SMARCAL1: variants seen among roughly 807,000 people sequenced by gnomAD.
The protein encoded by SMARCAL1 is SNF2 related chromatin remodeling annealing helicase 1.
In SMARCAL1, 58 loss-of-function variants were observed where a neutral mutation model predicts 94.5. The ratio of observed to expected loss-of-function variants is 0.61; its 90% CI spans 0.50 to 0.76. The LOEUF is 0.76. Ranked by LOEUF, SMARCAL1 falls within the 30% of genes least tolerant of loss-of-function variation. The pLI, the probability that SMARCAL1 is intolerant of heterozygous loss-of-function variation, is 0.00. For synonymous variants in SMARCAL1, 422 were observed against 455.1 expected, an observed-to-expected ratio of 0.93 and a Z score of 0.93; for missense variants, 1,051 against 1,177.9, an observed-to-expected ratio of 0.89 and a Z score of 1.58.
Position 216,434,534 on chromosome 2 carries a change from G to T in SMARCAL1, c.1486-804G>T, listed in dbSNP as rs148923199. 5.4e-4 allele frequency among the ~76,000 whole-genome samples: 82 copies of T among 152,242 alleles called. No individual in the cohort carries two copies. The East Asian group carries it at 0.013, about 23-fold the overall frequency. On this transcript the variant is annotated intron_variant, in intron 8 of 17. Transcript: ENST00000357276. ...GAAACCCAGACACTGTGAAGTGACT[G>T]TTGACAAAGGCAGGGAGATAGCGAG...
intron 4 of SMARCAL1, among the ~76,000 whole-genome samples, chr2:216,418,557 C>T (rs906995815): frequency 1.3e-5 from 2 of 152,046 alleles, no homozygotes; most frequent in African/African-American, 4.8e-5. Flanking sequence ...GTCAGTCTTT[C>T]TGTCATTTTG....
chr2:216,449,790 T>C (rs959781365), intron 11 of SMARCAL1, among the ~76,000 whole-genome samples: 1 of 152,034 alleles, frequency 6.6e-6, no homozygotes, highest in African/African-American at 2.4e-5. Flanking sequence ...AGAAATCAGT[T>C]CCATTTCCAG....
At chr2:216,461,469 A>C (rs984635015) in intron 12 of SMARCAL1, among the ~76,000 whole-genome samples, 3 of 152,176 alleles carry the variant, frequency 2.0e-5, no homozygotes, top group Non-Finnish European at 4.4e-5. Context: ...CAAACACGTC[A>C]AGTGGGAAGG....
chr2:216,427,116 AT>A (rs1252788602), intron 6 of SMARCAL1: 1 of 152,234 alleles, frequency 6.6e-6, no homozygotes, highest in African/African-American at 2.4e-5. Flanking sequence ...ATTTGAAAAC[AT>A]TAGCATCTCT....
At position 216,447,174 on chromosome 2, in the gene SMARCAL1, T is replaced by TTCCAA; in HGVS notation, c.1851+16_1851+17insTCCAA. 35 of 1,578,766 alleles carry TTCCAA rather than the reference T, an allele frequency of 2.2e-5. No homozygotes were observed. Among genetic ancestry groups the TTCCAA allele is most frequent in the South Asian group, 3.3e-5 (3 of 90,424 alleles). ...TGCCAAACGGGTATGTATTATCTCT[T>TTCCAA]CCCTCCCAGCCCACCCATTTCTCAC... On this transcript the variant is annotated intron_variant, in intron 11 of 17. Transcript: ENST00000357276.
chr2:216,436,169 A>T (rs993925611), intron 9 of SMARCAL1, among the ~76,000 whole-genome samples: 1 of 152,124 alleles, frequency 6.6e-6, no homozygotes, highest in African/African-American at 2.4e-5. Flanking sequence ...GGGTTTCACC[A>T]TGTTGGCCAA....
chr2:216,455,677 G>A lies in SMARCAL1; in HGVS notation c.2070+4613G>A, dbSNP rs536794504. On this transcript the variant is annotated intron_variant, in intron 12 of 17. Transcript: ENST00000357276. ...AGGAAAACTAACAAACAGAAAGGAC[G>A]TGCACACCAAAACCCCATCTGTACG... Among the ~76,000 whole-genome samples the A allele has an allele frequency of 4.3e-4, 65 of 152,240 alleles. No individual in the cohort carries two copies. The South Asian group carries it at 0.012, about 27-fold the overall frequency.
chr2:216,471,438 C>T (rs1694964596), intron 14 of SMARCAL1, among the ~76,000 whole-genome samples: 1 of 151,282 alleles, frequency 6.6e-6, no homozygotes, highest in East Asian at 1.9e-4. Flanking sequence ...CTGACTGCAA[C>T]CTTCGCCTCC....
In SMARCAL1 at chr2:216,457,367, C is replaced by T. The variant is rs546138415; in HGVS notation, c.2070+6303C>T. On this transcript the variant is annotated intron_variant, in intron 12 of 17. Transcript: ENST00000357276. ...ATAGACATCTACAGAACTCTCCACCCCAAATCAACAGAATATACATTCTTC... is the reference window on the plus strand; with the variant it reads ...ATAGACATCTACAGAACTCTCCACCTCAAATCAACAGAATATACATTCTTC... 2.0e-5 allele frequency among the ~76,000 whole-genome samples: 3 copies of T among 152,328 alleles called. No individual in the cohort carries two copies. In the East Asian group the frequency reaches 5.8e-4, roughly 29 times the overall value.
chr2:216,439,654 G>A lies in SMARCAL1; in HGVS notation c.1710+1169G>A, dbSNP rs185913653. Among the ~76,000 whole-genome samples, 18 of 152,314 alleles carry A rather than the reference G, an allele frequency of 1.2e-4. 1 individual carries two copies. The East Asian group carries it at 3.3e-3, about 28-fold the overall frequency. ...CTTAACATTTCCTCACAAAACACACGTAAGTGTCCACTCATTTCAAGTTTT... is the reference window on the plus strand; with the variant it reads ...CTTAACATTTCCTCACAAAACACACATAAGTGTCCACTCATTTCAAGTTTT... On this transcript the variant is annotated intron_variant, in intron 10 of 17. Coordinates refer to ENST00000357276, the MANE Select transcript of SMARCAL1 (RefSeq NM_014140.4).
At chr2:216,431,187 A>G (rs568514581) in intron 7 of SMARCAL1, among the ~76,000 whole-genome samples, 2 of 152,302 alleles carry the variant, frequency 1.3e-5, no homozygotes, top group African/African-American at 2.4e-5. Flanking sequence ...CCAGTTTTCC[A>G]TCTTTGGAAA....
intron 12 of SMARCAL1, among the ~76,000 whole-genome samples, chr2:216,456,185 T>C (rs1170332416): frequency 1.3e-5 from 2 of 152,144 alleles, no homozygotes; most frequent in Non-Finnish European, 2.9e-5. Flanking sequence ...CCAAGAAATA[T>C]GGGACTATGT....
chr2:216,446,443 A>G (rs1033353208), intron 10 of SMARCAL1, among the ~76,000 whole-genome samples: 1 of 152,210 alleles, frequency 6.6e-6, no homozygotes, highest in Admixed American at 6.5e-5. Flanking sequence ...AGTCACATGG[A>G]GACATATACA....
At chr2:216,425,821 C>T (rs1487873894) in intron 6 of SMARCAL1, among the ~76,000 whole-genome samples, 1 of 152,108 alleles carries the variant, frequency 6.6e-6, no homozygotes. Flanking sequence ...GGAAAAAGCA[C>T]CATTCGATTG....
At chr2:216,467,560 G>A (rs1694855923) in intron 13 of SMARCAL1, among the ~76,000 whole-genome samples, 1 of 151,024 alleles carries the variant, frequency 6.6e-6, no homozygotes, top group Non-Finnish European at 1.5e-5. Flanking sequence ...CCAAACAAAT[G>A]AGAACCTTCT....
intron 16 of SMARCAL1, 105 bp downstream of exon 16, chr2:216,477,314 CT>C: frequency 2.4e-6 from 2 of 841,196 alleles, no homozygotes; most frequent in Non-Finnish European, 4.0e-6. Context: ...TAAGTAAGGT[CT>C]TTAAGGATCT....
intron 10 of SMARCAL1, among the ~76,000 whole-genome samples, chr2:216,444,400 AAAG>A (rs869176740): frequency 6.6e-6 from 1 of 152,342 alleles, no homozygotes; most frequent in African/African-American, 2.4e-5. Flanking sequence ...TGGAAAAAAA[AAAG>A]AGATCACATA....
At chr2:216,480,360 A>G (rs1326349547) in intron 17 of SMARCAL1, among the ~76,000 whole-genome samples, 1 of 152,216 alleles carries the variant, frequency 6.6e-6, no homozygotes, top group African/African-American at 2.4e-5. Context: ...TGAAATATTA[A>G]TCTGATCTTG....
chr2:216,467,470 CAA>C (rs34678979), intron 13 of SMARCAL1, among the ~76,000 whole-genome samples: 10 of 47,824 alleles, frequency 2.1e-4, no homozygotes, highest in East Asian at 6.8e-4. Context: ...AACTCAGTCT[CAA>C]AAAAAAAAAA....
Sources: allele counts gnomAD v4.1 joint callset (sites outside exome capture counted in the v4.1 genomes callset), GRCh38; gene constraint gnomAD v4.1.1; transcripts MANE v1.5; gene names NCBI Gene and HGNC (gene_info 2026-07-23, HGNC 2026-07-21).